The following NRXN1 variants were observed in gnomAD, a reference collection of about 807,000 sequenced individuals.
The protein encoded by NRXN1 is neurexin 1, also known as neurexin-1.
A neutral mutation model predicts 150.9 loss-of-function variants in NRXN1; 39 were observed. That is an observed-to-expected ratio of 0.26 (90% CI 0.20 to 0.34). NRXN1 has a LOEUF of 0.34. Ranked by LOEUF, NRXN1 falls within the 10% of genes least tolerant of loss-of-function variation. NRXN1 has a pLI of 1.00. For synonymous variants in NRXN1, 924 were observed against 757.0 expected, an observed-to-expected ratio of 1.22 and a Z score of -3.62; for missense variants, 1,815 against 1,949.9, an observed-to-expected ratio of 0.93 and a Z score of 1.30.
chr2:50,819,243 C>A (rs903037179), intron 5 of NRXN1, among the ~76,000 whole-genome samples: 2 of 152,168 alleles, frequency 1.3e-5, no homozygotes, highest in African/African-American at 4.8e-5. Context: ...GTGTTCGTTG[C>A]AGCATTACTC....
chr2:50,382,439 G>A (rs867402720), intron 17 of NRXN1, among the ~76,000 whole-genome samples: 55 of 152,040 alleles, frequency 3.6e-4, no homozygotes, highest in African/African-American at 1.3e-3. Flanking sequence ...AATTATCATG[G>A]GACGTCAGAG....
intron 21 of NRXN1, among the ~76,000 whole-genome samples, chr2:50,021,785 G>A (rs1687606836): frequency 6.6e-6 from 1 of 152,124 alleles, no homozygotes; most frequent in Admixed American, 6.6e-5. Flanking sequence ...AAGTCCTCTA[G>A]TTTCTTTATG....
intron 18 of NRXN1, chr2:50,185,788 A>T (rs967029100): frequency 6.6e-6 from 1 of 152,082 alleles, no homozygotes; most frequent in African/African-American, 2.4e-5. Context: ...ATTTTGCATT[A>T]TTTCTTACAA....
intron 17 of NRXN1, among the ~76,000 whole-genome samples, chr2:50,374,825 CT>C (rs1445693283): frequency 2.0e-5 from 3 of 152,068 alleles, no homozygotes; most frequent in African/African-American, 7.2e-5. Flanking sequence ...AGTTTGAATG[CT>C]TGCAACTGCA....
At chr2:50,638,028 A>G (rs1461989541) in intron 5 of NRXN1, among the ~76,000 whole-genome samples, 2 of 152,136 alleles carry the variant, frequency 1.3e-5, no homozygotes, top group Non-Finnish European at 2.9e-5. Context: ...TTTATCAGAG[A>G]TCTAAGCTAA....
intron 5 of NRXN1, among the ~76,000 whole-genome samples, chr2:50,646,969 T>G (rs1381532608): frequency 1.3e-5 from 2 of 151,760 alleles, no homozygotes; most frequent in East Asian, 3.9e-4. Flanking sequence ...ATATTTCTAA[T>G]GAAGATGTAA....
chr2:50,388,715 T>G (rs925403081), intron 17 of NRXN1, among the ~76,000 whole-genome samples: 1 of 152,180 alleles, frequency 6.6e-6, no homozygotes, highest in Admixed American at 6.6e-5. Flanking sequence ...CCAATCCTGA[T>G]ACTCTGGGAA....
intron 12 of NRXN1, among the ~76,000 whole-genome samples, chr2:50,514,366 A>T (rs2092563707): frequency 6.6e-6 from 1 of 152,234 alleles, no homozygotes; most frequent in South Asian, 2.1e-4. Flanking sequence ...ATAAAATTTT[A>T]AAACTGAATG....
intron 8 of NRXN1, among the ~76,000 whole-genome samples, chr2:50,603,636 T>A (rs1395394235): frequency 2.6e-5 from 4 of 152,132 alleles, no homozygotes; most frequent in African/African-American, 9.7e-5. Flanking sequence ...CTGGGACCCC[T>A]TTGGCTAGAT....
intron 18 of NRXN1, among the ~76,000 whole-genome samples, chr2:50,132,660 C>G (rs907435405): frequency 6.6e-6 from 1 of 151,940 alleles, no homozygotes; most frequent in Non-Finnish European, 1.5e-5. Context: ...AGGACAGAGA[C>G]AAGACTTCTT....
chr2:49,941,085 T>C (rs1053192753), intron 22 of NRXN1, among the ~76,000 whole-genome samples: 3 of 151,920 alleles, frequency 2.0e-5, no homozygotes, highest in South Asian at 4.2e-4. Context: ...AGAACTAAAA[T>C]TGACAGAACA....
At chr2:50,757,438 T>C (rs942680095) in intron 5 of NRXN1, among the ~76,000 whole-genome samples, 12 of 151,816 alleles carry the variant, frequency 7.9e-5, no homozygotes, top group Admixed American at 4.6e-4. Flanking sequence ...GAATGGATGA[T>C]AGATATCCCA....
At chr2:50,666,298 G>C (rs1039847057) in intron 5 of NRXN1, among the ~76,000 whole-genome samples, 1 of 151,832 alleles carries the variant, frequency 6.6e-6, no homozygotes. Flanking sequence ...TGCAAGTTCT[G>C]GTGGTTTCCA....
chr2:50,881,443 AT>A (rs1679415266), intron 5 of NRXN1, among the ~76,000 whole-genome samples: 1 of 151,934 alleles, frequency 6.6e-6, no homozygotes, highest in Admixed American at 6.6e-5. Flanking sequence ...TTAGTACATG[AT>A]TTTGGTTGAC....
At chr2:50,637,435 T>A (rs1347915519) in intron 5 of NRXN1, 1 of 152,170 alleles carries the variant, frequency 6.6e-6, no homozygotes, top group East Asian at 1.9e-4. Flanking sequence ...GACAGACTCC[T>A]TAGGGTTTTA....
chr2:50,935,298 G>C (rs1480270678), intron 2 of NRXN1, among the ~76,000 whole-genome samples: 1 of 152,098 alleles, frequency 6.6e-6, no homozygotes, highest in Non-Finnish European at 1.5e-5. Flanking sequence ...AAATACAGCA[G>C]AGATAAGGCA....
At chr2:50,254,762 T>C (rs1177252007) in intron 17 of NRXN1, among the ~76,000 whole-genome samples, 1 of 152,290 alleles carries the variant, frequency 6.6e-6, no homozygotes, top group Admixed American at 6.5e-5. Context: ...AAGATGGCAG[T>C]AAGAGTAAAG....
intron 22 of NRXN1, among the ~76,000 whole-genome samples, chr2:49,940,079 T>G (rs1671707850): frequency 1.3e-5 from 2 of 152,166 alleles, no homozygotes; most frequent in Admixed American, 1.3e-4. Context: ...ATAGGACATT[T>G]TCAGAGAAAA....
intron 2 of NRXN1, among the ~76,000 whole-genome samples, chr2:51,006,683 C>A (rs1336623994): frequency 6.6e-6 from 1 of 151,898 alleles, no homozygotes; most frequent in African/African-American, 2.4e-5. Flanking sequence ...ACAAGGTTTA[C>A]AAAGCTTAGT....
Sources: allele counts gnomAD v4.1 joint callset (sites outside exome capture counted in the v4.1 genomes callset), GRCh38; gene constraint gnomAD v4.1.1; transcripts MANE v1.5; gene names NCBI Gene and HGNC (gene_info 2026-07-23, HGNC 2026-07-21).